The following SP110 variants were observed in gnomAD, a reference collection of about 807,000 sequenced individuals.
SP110 encodes the protein interferon-induced protein 41, 30kD.
In SP110, 62 loss-of-function variants were observed where a neutral mutation model predicts 92.7. The observed-to-expected ratio is 0.67, with a 90% confidence interval of 0.55 to 0.83. The LOEUF is 0.83. Among genes scored for constraint, SP110 ranks in the 40% least tolerant of loss-of-function variants. The pLI is 0.00. For synonymous variants in SP110, 273 were observed against 305.3 expected (o/e 0.89, Z 1.10); for missense variants, 793 against 863.9 (o/e 0.92, Z 1.03).
chr2:230,196,754 C>T (rs532891992), intron 10 of SP110, among the ~76,000 whole-genome samples: 7 of 151,236 alleles, frequency 4.6e-5, no homozygotes, highest in Non-Finnish European at 8.8e-5. Flanking sequence ...CATGTGCTCT[C>T]ATTGTTCAAT....
chr2:230,170,775 C>A lies in SP110; in HGVS notation c.1888-14G>T. ...GTAATCTCGAATCTTGGGGACAAAGCCACCAGAGGTGACGTTAGCACAGCT... is the reference window on the plus strand; with the variant it reads ...GTAATCTCGAATCTTGGGGACAAAGACACCAGAGGTGACGTTAGCACAGCT... On this transcript the variant is annotated splice_polypyrimidine_tract_variant and intron_variant, in intron 17 of 18. Transcript: ENST00000258381. 3.7e-6 allele frequency: 6 copies of A among 1,613,918 alleles called. No individual in the cohort carries two copies. The highest frequency in any genetic ancestry group is 5.1e-6 in the Non-Finnish European group (6 of 1,179,886).
chr2:230,214,863 G>T, intron 3 of SP110, 87 bp downstream of exon 3: 1 of 1,094,768 alleles, frequency 9.1e-7, no homozygotes, highest in South Asian at 1.3e-5. Context: ...GGGGATTAAC[G>T]TGCATATTCC....
rs1265178417 is a variant in SP110 at position 230,170,523 on chromosome 2, C to A, written c.2028+98G>T. The A allele has an allele frequency of 3.5e-6, 5 of 1,417,714 alleles. No homozygotes were observed. In the African/African-American group the frequency reaches 7.1e-5, roughly 20 times the overall value. The allele number at this position is 1,417,714 out of a possible 1,614,324, so 87.8% of individuals were successfully genotyped here. ...ATCCTTGTCTTGTTTGAGCTCTCCCCAGGCTGAAACTGAGTGTAATACTTG... is the reference window on the plus strand; with the variant it reads ...ATCCTTGTCTTGTTTGAGCTCTCCCAAGGCTGAAACTGAGTGTAATACTTG... On this transcript the variant is annotated intron_variant, in intron 18 of 18. Transcript: ENST00000258381.
rs749451022 is a variant in SP110 at position 230,171,724 on chromosome 2, C to T, written c.1859G>A (p.Ser620Asn). The T allele has an allele frequency of 3.1e-6, 5 of 1,613,760 alleles. No individual in the cohort carries two copies. In the Admixed American group the frequency reaches 6.7e-5, roughly 22 times the overall value. Residue 620 changes from serine (S) to asparagine (N), a missense_variant, in exon 17 of 19, where the codon AGC becomes AAC. Coordinates refer to ENST00000258381, the MANE Select transcript of SP110 (RefSeq NM_080424.4). ...LLLKAYCHPQSSFFTGIPFNI... is the reference protein window; with the variant it reads ...LLLKAYCHPQNSFFTGIPFNI... ...AAATGGGATGCCCGTAAAAAAGGAGCTTTGTGGATGACAGTAGGCCTTCAA... is the reference window on the plus strand; with the variant it reads ...AAATGGGATGCCCGTAAAAAAGGAGTTTTGTGGATGACAGTAGGCCTTCAA...
upstream of SP110, chr2:230,221,641 A>G: frequency 1.4e-6 from 2 of 1,441,848 alleles, no homozygotes; most frequent in Non-Finnish European, 1.9e-6. Flanking sequence ...CAGCGCTGTG[A>G]TGCAGGGGAT....
At chr2:230,197,792 A>G (rs140672595) in intron 10 of SP110, among the ~76,000 whole-genome samples, 1,632 of 152,222 alleles carry the variant, frequency 0.011, 20 homozygotes, top group African/African-American at 0.037. Flanking sequence ...ACCATTTATT[A>G]AATAGGGAAT....
At chr2:230,196,789 A>G (rs1020178892) in intron 10 of SP110, among the ~76,000 whole-genome samples, 13 of 151,008 alleles carry the variant, frequency 8.6e-5, no homozygotes, top group African/African-American at 3.2e-4. Flanking sequence ...GAGAACATGC[A>G]GTGTTTGGTT....
At chr2:230,185,938 C>A in intron 11 of SP110, 56 bp downstream of exon 11, 1 of 1,500,804 alleles carries the variant, frequency 6.7e-7, no homozygotes, top group South Asian at 1.1e-5. Flanking sequence ...TGTACTGCTC[C>A]AAGAGGCCCT....
Position 230,167,298 on chromosome 2 carries a change from G to A in SP110, c.*1826C>T, listed in dbSNP as rs1160954529. On this transcript the variant is annotated 3_prime_UTR_variant, in exon 19 of 19. Coordinates refer to ENST00000258381, the MANE Select transcript of SP110 (RefSeq NM_080424.4). ...ATTTTTTTTTTTTTTTTTTTGTAGA[G>A]ATGAGGTTTTGCCATGTTACCCAGG... The A allele has an allele frequency of 7.0e-6, 1 of 143,528 alleles. No homozygotes were observed. The highest frequency in any genetic ancestry group is 2.6e-5 in the African/African-American group (1 of 38,192). 8.9% of individuals were successfully genotyped at this position (143,528 alleles called of 1,614,324 possible).
intron 8 of SP110, 97 bp from the exon 9 acceptor site, chr2:230,202,825 C>T: frequency 8.9e-7 from 1 of 1,128,946 alleles, no homozygotes; most frequent in Non-Finnish European, 1.4e-6. Context: ...GCCCCTAACT[C>T]CCACTCTTTC....
At chr2:230,174,426 T>C (rs913613587) in intron 14 of SP110, among the ~76,000 whole-genome samples, 1 of 152,236 alleles carries the variant, frequency 6.6e-6, no homozygotes, top group Non-Finnish European at 1.5e-5. Flanking sequence ...ATCTGTCAAA[T>C]TGCAATACAG....
At chr2:230,202,446 A>C in intron 9 of SP110, 133 bp downstream of exon 9, 1 of 789,982 alleles carries the variant, frequency 1.3e-6, no homozygotes, top group Non-Finnish European at 2.1e-6. Flanking sequence ...TCCTCTTGTT[A>C]TACCCCATCC....
chr2:230,216,931 A>G lies in SP110; in HGVS notation c.-1-3T>C. 1.9e-6 allele frequency: 3 copies of G among 1,613,006 alleles called. No homozygotes were observed. The highest frequency in any genetic ancestry group is 1.7e-6 in the Non-Finnish European group (2 of 1,179,702). The stretch of plus-strand genomic sequence containing the variant: ...TGGCTCTTGTCATGGTGAACATCCT[A>G]TGGAAAGAGGCATGATAAAAAATAG... On this transcript the variant is annotated splice_region_variant and splice_polypyrimidine_tract_variant and intron_variant, in intron 1 of 18. Transcript: ENST00000258381.
In SP110 at chr2:230,211,528, T is replaced by C. The variant is rs2044476653; in HGVS notation, c.693A>G (p.Gln231=). The stretch of plus-strand genomic sequence containing the variant: ...CTTGAGGGTCTTCTTTATCTCTTAT[T>C]TGGGGGATCAGGTTGTCACTGGCCA... ...VQVASDNLIP[Q]IRDKEDPQEM... Residue 231 remains glutamine, a synonymous_variant, in exon 6 of 19, where the codon CAA becomes CAG. Transcript: ENST00000258381. This position sits in a 1 kb window ranked among gnomAD's most constrained non-coding sequence, Gnocchi z 4.2. The C allele has an allele frequency of 6.2e-7, 1 of 1,611,254 alleles. No homozygotes were observed.
intron 4 of SP110, 84 bp downstream of exon 4, chr2:230,212,677 G>T: frequency 6.5e-7 from 1 of 1,542,882 alleles, no homozygotes; most frequent in Non-Finnish European, 9.0e-7. Context: ...GACAATAAAA[G>T]TCAAGATGCT....
chr2:230,185,906 A>G, intron 11 of SP110, 88 bp downstream of exon 11: 1 of 1,127,284 alleles, frequency 8.9e-7, no homozygotes, highest in Non-Finnish European at 1.4e-6. Context: ...TCTACTATTG[A>G]CTTTACATAT....
chr2:230,202,709 G>C lies in SP110; in HGVS notation c.918C>G (p.His306Gln). 1 of 1,614,030 alleles carries C rather than the reference G, an allele frequency of 6.2e-7. No homozygotes were observed. Among genetic ancestry groups the C allele is most frequent in the Non-Finnish European group, 8.5e-7 (1 of 1,179,974 alleles). ...SLPGGTASSR[H>Q]GIQKKLKRVD... ...CCCTTTTGAGCTTCTTTTGGATTCCGTGTCTAGATGAGGCTGTCCCTGGAC... is the reference window on the plus strand; with the variant it reads ...CCCTTTTGAGCTTCTTTTGGATTCCCTGTCTAGATGAGGCTGTCCCTGGAC... Residue 306 changes from histidine to glutamine, a missense_variant, in exon 9 of 19, where the codon CAC becomes CAG. By Grantham distance (24) the His-to-Gln change is conservative. Coordinates refer to ENST00000258381, the MANE Select transcript of SP110 (RefSeq NM_080424.4).
intron 14 of SP110, chr2:230,176,328 C>T: frequency 2.1e-6 from 1 of 480,306 alleles, no homozygotes; most frequent in Admixed American, 3.9e-5. Context: ...TACAGGTGCA[C>T]ACCACCATTC....
chr2:230,218,412 G>A (rs2045465491), intron 1 of SP110, among the ~76,000 whole-genome samples: 1 of 152,166 alleles, frequency 6.6e-6, no homozygotes. Context: ...AGAGTCTGTG[G>A]TGGTAAAGAA....
Sources: gnomAD v4.1 joint callset for allele counts (sites outside exome capture counted in the v4.1 genomes callset) on GRCh38, gnomAD v4.1.1 for gene constraint, Gnocchi (gnomAD v3.1) non-coding constraint, MANE v1.5 for transcripts, NCBI Gene and HGNC (gene_info 2026-07-23, HGNC 2026-07-21) for gene names.